The following IQSEC1 variants were observed in gnomAD, a reference collection of about 807,000 sequenced individuals.
IQSEC1 encodes the protein IQ motif and Sec7 domain ArfGEF 1.
A neutral mutation model predicts 91.0 loss-of-function variants in IQSEC1; 31 were observed. The ratio of observed to expected loss-of-function variants is 0.34; its 90% CI spans 0.26 to 0.46. The LOEUF is 0.46. IQSEC1 is among the 20% of genes least tolerant of loss of function. The probability of loss-of-function intolerance (pLI) is 1.00; values close to 1 mark genes in which losing one functional copy is unlikely to be tolerated. For synonymous variants in IQSEC1, 699 were observed against 662.6 expected, an observed-to-expected ratio of 1.05 and a Z score of -0.84; for missense variants, 1,388 against 1,575.6, an observed-to-expected ratio of 0.88 and a Z score of 2.02.
chr3:13,078,091 G>A (rs979199568), upstream of IQSEC1, among the ~76,000 whole-genome samples: 8 of 152,200 alleles, frequency 5.3e-5, no homozygotes, highest in African/African-American at 1.9e-4. Context: ...AGGAGCTCAC[G>A]CTGCACGGGG....
chr3:12,997,174 T>C (rs1702256710), intron 1 of IQSEC1, among the ~76,000 whole-genome samples: 1 of 152,232 alleles, frequency 6.6e-6, no homozygotes, highest in Admixed American at 6.5e-5. Context: ...ATATTTCTAC[T>C]GAAAAATTCA....
Position 13,019,045 on chromosome 3 carries a change from A to G in IQSEC1, c.23+53947T>C, listed in dbSNP as rs1703276394. Among the ~76,000 whole-genome samples the G allele has an allele frequency of 3.9e-5, 6 of 152,230 alleles. No homozygotes were observed. The South Asian group carries it at 1.2e-3, about 31-fold the overall frequency. ...AACAGAACCCAGTGATGACCTGCCA[A>G]GAAGCCCGCCCAGCTGGCATGGCTC... On this transcript the variant is annotated intron_variant, in intron 1 of 13. Coordinates refer to ENST00000613206, the MANE Select transcript of IQSEC1 (RefSeq NM_001134382.3).
In IQSEC1 at chr3:12,922,372, T is replaced by G. The variant is rs898378565; in HGVS notation, c.1731-130A>C. The G allele has an allele frequency of 8.7e-7, 1 of 1,150,568 alleles. No individual in the cohort carries two copies. Among genetic ancestry groups the G allele is most frequent in the South Asian group, 1.9e-5 (1 of 53,916 alleles). The allele number at this position is 1,150,568 out of a possible 1,614,324, so 71.3% of individuals were successfully genotyped here. ...CTGGCAGGGAGAGCCCCTGCCTGAC[T>G]CCGACCAATCAGCCAAGAGCCCTCA... On this transcript the variant is annotated intron_variant, in intron 4 of 13. Transcript: ENST00000613206. This position sits in a 1 kb window ranked among gnomAD's most constrained non-coding sequence, Gnocchi z 5.1.
At chr3:13,141,329 T>C (rs1706796460) in intron 2 of IQSEC1, among the ~76,000 whole-genome samples, 1 of 152,108 alleles carries the variant, frequency 6.6e-6, no homozygotes, top group Non-Finnish European at 1.5e-5. Context: ...GTGCACAGGG[T>C]AGCAGATGAG....
At chr3:13,059,648 G>A (rs1165073231) in intron 1 of IQSEC1, among the ~76,000 whole-genome samples, 1 of 152,202 alleles carries the variant, frequency 6.6e-6, no homozygotes, top group Non-Finnish European at 1.5e-5. Flanking sequence ...CTACTTGGGA[G>A]GCTGAGGTGG....
At position 12,992,316 on chromosome 3, in the gene IQSEC1, C is replaced by T. The variant is rs567532401; in HGVS notation, c.24-50451G>A. Among the ~76,000 whole-genome samples, 2 of 139,596 alleles carry T rather than the reference C, an allele frequency of 1.4e-5. No individual in the cohort carries two copies. Among genetic ancestry groups the T allele is most frequent in the African/African-American group, 5.4e-5 (2 of 36,772 alleles). The allele number at this position is 139,596 out of a possible 152,430, so 91.6% of individuals were successfully genotyped here. A position where few individuals can be genotyped will look rare whatever the true frequency, so the allele number is the denominator to read the frequency against. On this transcript the variant is annotated intron_variant, in intron 1 of 13. Transcript: ENST00000613206. The surrounding 1 kb of genome is among the most constrained non-coding windows in gnomAD (Gnocchi z 4.1). ...TGGGCATTGTGGCCACCCCAAGTCA[C>T]CTCTCAGTTTATCTTTTCCTGTGGG...
intron 2 of IQSEC1, among the ~76,000 whole-genome samples, chr3:13,144,963 C>T (rs1415978148): frequency 6.6e-6 from 1 of 152,188 alleles, no homozygotes; most frequent in Non-Finnish European, 1.5e-5. Flanking sequence ...CCACTGTGGG[C>T]AGGCTCAGAG....
intron 1 of IQSEC1, among the ~76,000 whole-genome samples, chr3:13,270,771 T>A (rs1695578845): frequency 6.6e-6 from 1 of 152,188 alleles, no homozygotes; most frequent in Non-Finnish European, 1.5e-5. Context: ...ATGACAAAAT[T>A]GTATATATAA....
Position 12,900,754 on chromosome 3 carries a change from C to CA in IQSEC1, c.*228dup. On this transcript the variant is annotated 3_prime_UTR_variant, in exon 14 of 14. Transcript: ENST00000613206. The stretch of plus-strand genomic sequence containing the variant: ...TGGTGTCTGAGGCCCACCCATCCCT[C>CA]AGACTGAGGTGAGCAGAGCCCAGGG... 1 of 1,425,242 alleles carries CA rather than the reference C, an allele frequency of 7.0e-7. No homozygotes were observed. The highest frequency in any genetic ancestry group is 9.1e-7 in the Non-Finnish European group (1 of 1,093,778). 88.3% of individuals were successfully genotyped at this position (1,425,242 alleles called of 1,614,324 possible).
chr3:12,900,039 T>G lies in IQSEC1; in HGVS notation c.*944A>C. On this transcript the variant is annotated 3_prime_UTR_variant, in exon 14 of 14. Transcript: ENST00000613206. ...CTAAGAATCCGTGTAACCAATGTCC[T>G]AAGACAACCAGCTTGTAACCAGCTG... 3 of 985,440 alleles carry G rather than the reference T, an allele frequency of 3.0e-6. No individual in the cohort carries two copies. The South Asian group carries it at 1.4e-4, about 46-fold the overall frequency. 61.0% of individuals were successfully genotyped at this position (985,440 alleles called of 1,614,324 possible). A position where few individuals can be genotyped will look rare whatever the true frequency, so the allele number is the denominator to read the frequency against.
At chr3:13,006,594 C>A (rs1702644616) in intron 1 of IQSEC1, among the ~76,000 whole-genome samples, 1 of 152,258 alleles carries the variant, frequency 6.6e-6, no homozygotes, top group Admixed American at 6.5e-5. Flanking sequence ...TCCAAACACA[C>A]AATCACGTGT....
chr3:13,269,971 C>A (rs1258985306), intron 1 of IQSEC1, among the ~76,000 whole-genome samples: 2 of 152,202 alleles, frequency 1.3e-5, no homozygotes, highest in Non-Finnish European at 2.9e-5. Flanking sequence ...CCCACACAGG[C>A]CTTTTAGAAC....
intron 2 of IQSEC1, among the ~76,000 whole-genome samples, chr3:13,121,728 A>T (rs192708216): frequency 1.3e-5 from 2 of 152,352 alleles, no homozygotes; most frequent in East Asian, 3.9e-4. Flanking sequence ...AGAATGGGGC[A>T]GGTCAGTTCC....
At chr3:13,262,237 A>T (rs1054855502) in intron 1 of IQSEC1, among the ~76,000 whole-genome samples, 3 of 152,216 alleles carry the variant, frequency 2.0e-5, no homozygotes, top group African/African-American at 7.2e-5. Flanking sequence ...CTGTGCGCTC[A>T]ACACTTTCCT....
chr3:12,911,703 T>C lies in IQSEC1; in HGVS notation c.2342A>G (p.Lys781Arg), dbSNP rs771973106. The change falls in exon 10 of 14, where the codon AAG becomes AGG. Residue 781 changes from lysine to arginine, a missense_variant. Physicochemically the swap from Lys to Arg is conservative, Grantham distance 26. This residue lies in a region of IQSEC1 where 1,059 missense variants were observed against 1,317.8 expected (regional missense o/e 0.80). Coordinates refer to ENST00000613206, the MANE Select transcript of IQSEC1 (RefSeq NM_001134382.3). ...TCGGAAGCTGTACGTCACCGAGTTC[T>C]TCTTCTTCTGGAAGATCTTGGTGAC... The part of the protein sequence containing the change: ...LVVTKIFQKK[K>R]NSVTYSFRQS... 1 of 1,613,336 alleles carries C rather than the reference T, an allele frequency of 6.2e-7. No individual in the cohort carries two copies. The highest frequency in any genetic ancestry group is 8.5e-7 in the Non-Finnish European group (1 of 1,179,922).
intron 1 of IQSEC1, among the ~76,000 whole-genome samples, chr3:13,170,047 C>T (rs1693578661): frequency 6.6e-6 from 1 of 152,222 alleles, no homozygotes. Context: ...TCACAGCAGC[C>T]CCTCCCATCA....
chr3:13,070,143 C>G (rs891361504), intron 1 of IQSEC1, among the ~76,000 whole-genome samples: 1 of 152,218 alleles, frequency 6.6e-6, no homozygotes, highest in Non-Finnish European at 1.5e-5. Context: ...CTGAGGATAG[C>G]CTGGCTGTGC....
At chr3:12,925,303 G>A (rs1379629525) in intron 3 of IQSEC1, among the ~76,000 whole-genome samples, 1 of 152,200 alleles carries the variant, frequency 6.6e-6, no homozygotes, top group African/African-American at 2.4e-5. Context: ...CCGGCGGGGA[G>A]AAATCGCTCT....
At chr3:13,059,447 G>T (rs1704990436) in intron 1 of IQSEC1, among the ~76,000 whole-genome samples, 1 of 152,220 alleles carries the variant, frequency 6.6e-6, no homozygotes, top group South Asian at 2.1e-4. Flanking sequence ...CACAGGCCTG[G>T]CACGGGGTGC....
Sources: allele counts gnomAD v4.1 joint callset (sites outside exome capture counted in the v4.1 genomes callset), GRCh38; gene constraint gnomAD v4.1.1; regional missense constraint gnomAD v4.1.1; non-coding constraint Gnocchi (gnomAD v3.1); transcripts MANE v1.5; gene names NCBI Gene and HGNC (gene_info 2026-07-23, HGNC 2026-07-21).